Variants in ARHGEF37 observed in about 807,000 individuals in gnomAD.
The protein encoded by ARHGEF37 is Rho guanine nucleotide exchange factor 37.
A neutral mutation model predicts 71.1 loss-of-function variants in ARHGEF37; 55 were observed. The observed-to-expected ratio is 0.77, with a 90% confidence interval of 0.62 to 0.97. ARHGEF37 has a LOEUF of 0.97. Ranked by LOEUF, ARHGEF37 falls within the 50% of genes least tolerant of loss-of-function variation. ARHGEF37 has a pLI of 0.00. For missense variants in ARHGEF37, 765 were observed against 836.8 expected, an observed-to-expected ratio of 0.91 and a Z score of 1.06; for synonymous variants, 327 against 350.6, an observed-to-expected ratio of 0.93 and a Z score of 0.75.
intron 3 of ARHGEF37, among the ~76,000 whole-genome samples, chr5:149,602,840 G>C (rs919921761): frequency 6.6e-6 from 1 of 152,100 alleles, no homozygotes; most frequent in East Asian, 1.9e-4. Flanking sequence ...CAGTACTGTG[G>C]CCACCCAAGT....
In ARHGEF37 at chr5:149,570,743, G is replaced by C. The variant is rs575045118; in HGVS notation, c.-12+18620G>C. Among the ~76,000 whole-genome samples, 6 of 151,286 alleles carry C rather than the reference G, an allele frequency of 4.0e-5. No homozygotes were observed. In the East Asian group the frequency reaches 1.2e-3, roughly 30 times the overall value. On this transcript the variant is annotated intron_variant, in intron 1 of 2. Coordinates refer to the ARHGEF37 transcript ENST00000505810. ...TTACAAAAATTAGCTGGGCGTGGTG[G>C]TGTGCACCTGTAGTCCCAGCTACTT...
chr5:149,591,160 C>T (rs10065102), intron 1 of ARHGEF37, among the ~76,000 whole-genome samples: 34,622 of 151,298 alleles, frequency 0.23, 4,947 homozygotes, highest in African/African-American at 0.4. Flanking sequence ...TGGTCTCAAC[C>T]TCCTGGGCTC....
chr5:149,607,553 T>C (rs1763948415), intron 3 of ARHGEF37, among the ~76,000 whole-genome samples: 1 of 152,150 alleles, frequency 6.6e-6, no homozygotes, highest in African/African-American at 2.4e-5. Context: ...CCAAACAGGA[T>C]TTGTGTGAGC....
intron 4 of ARHGEF37, 91 bp from the exon 5 acceptor site, chr5:149,616,476 G>C: frequency 7.9e-7 from 1 of 1,267,492 alleles, no homozygotes; most frequent in Non-Finnish European, 1.1e-6. Context: ...ATCACACAGT[G>C]AGCTAAATGG....
intron 1 of ARHGEF37, among the ~76,000 whole-genome samples, chr5:149,568,576 C>T (rs1465879232): frequency 6.6e-6 from 1 of 151,994 alleles, no homozygotes; most frequent in Non-Finnish European, 1.5e-5. Flanking sequence ...CCTGTAATCC[C>T]AGCATTTTGA....
chr5:149,618,271 C>T lies in ARHGEF37; in HGVS notation c.754C>T (p.Gln252Ter). ...CTCCAAGAAGACCACCCGGCTGAGCCAGCTGCTGAAGCAGGAGGCGGGGCT... is the reference window on the plus strand; with the variant it reads ...CTCCAAGAAGACCACCCGGCTGAGCTAGCTGCTGAAGCAGGAGGCGGGGCT... ...TLSKKTTRLS[Q>*]LLKQEAGLIP... The change falls in exon 6 of 13, where the codon CAG becomes TAG. Residue 252 changes from glutamine (Q) to a stop codon, truncating the protein, a stop_gained. Coordinates refer to ENST00000333677, the MANE Select transcript of ARHGEF37 (RefSeq NM_001001669.3). LOFTEE classifies it high-confidence loss of function. 6.2e-7 allele frequency: 1 copy of T among 1,614,236 alleles called. No homozygotes were observed. Among genetic ancestry groups the T allele is most frequent in the Non-Finnish European group, 8.5e-7 (1 of 1,180,042 alleles).
intron 1 of ARHGEF37, among the ~76,000 whole-genome samples, chr5:149,563,760 G>A (rs1228574774): frequency 6.6e-6 from 1 of 152,018 alleles, no homozygotes; most frequent in East Asian, 1.9e-4. Flanking sequence ...TGGTATCTTC[G>A]TGTAGAAGAT....
intron 3 of ARHGEF37, among the ~76,000 whole-genome samples, chr5:149,601,577 G>A (rs1043842143): frequency 2.0e-5 from 3 of 152,206 alleles, no homozygotes; most frequent in African/African-American, 7.2e-5. Flanking sequence ...CAGCATCAAC[G>A]AGAGAGTCTG....
At chr5:149,554,394 T>C (rs750687424) in intron 1 of ARHGEF37, among the ~76,000 whole-genome samples, 1 of 152,188 alleles carries the variant, frequency 6.6e-6, no homozygotes, top group Non-Finnish European at 1.5e-5. Context: ...TCGCCTTTTT[T>C]TTAGAACTTG....
chr5:149,580,079 C>T (rs1190001536), upstream of ARHGEF37, among the ~76,000 whole-genome samples: 3 of 151,766 alleles, frequency 2.0e-5, no homozygotes, highest in East Asian at 5.8e-4. Context: ...TTTTCTTTTT[C>T]GAGACGGAGT....
intron 12 of ARHGEF37, among the ~76,000 whole-genome samples, chr5:149,630,129 G>A (rs1220956468): frequency 6.6e-6 from 1 of 152,162 alleles, no homozygotes; most frequent in African/African-American, 2.4e-5. Flanking sequence ...GCATGTGTCT[G>A]CAAATATACT....
At chr5:149,564,133 A>G (rs779700898) in intron 1 of ARHGEF37, among the ~76,000 whole-genome samples, 3 of 151,708 alleles carry the variant, frequency 2.0e-5, no homozygotes, top group African/African-American at 7.3e-5. Flanking sequence ...TTATATTTTT[A>G]GTAGAGATGG....
At chr5:149,586,772 C>A (rs1252075009) in intron 1 of ARHGEF37, among the ~76,000 whole-genome samples, 1 of 152,232 alleles carries the variant, frequency 6.6e-6, no homozygotes, top group Non-Finnish European at 1.5e-5. Flanking sequence ...AGTTTTATCA[C>A]TTTTTAGTCC....
intron 11 of ARHGEF37, among the ~76,000 whole-genome samples, chr5:149,628,156 T>A (rs1360563597): frequency 6.6e-6 from 1 of 152,116 alleles, no homozygotes; most frequent in African/African-American, 2.4e-5. Flanking sequence ...AGGACTGGAT[T>A]TGGATTCCAG....
intron 1 of ARHGEF37, among the ~76,000 whole-genome samples, chr5:149,557,606 G>C (rs1265858094): frequency 6.6e-6 from 1 of 152,080 alleles, no homozygotes; most frequent in Non-Finnish European, 1.5e-5. Context: ...AGCCTCCCAA[G>C]TAAATGGGAC....
intron 1 of ARHGEF37, among the ~76,000 whole-genome samples, chr5:149,589,574 G>T (rs758456963): frequency 3.0e-4 from 46 of 151,970 alleles, no homozygotes; most frequent in Non-Finnish European, 2.8e-4. Context: ...ATCTCAGCTC[G>T]CTGCAACCTC....
At position 149,616,698 on chromosome 5, in the gene ARHGEF37, A is replaced by G. The variant is rs759899916; in HGVS notation, c.590A>G (p.Gln197Arg). 3 of 1,614,018 alleles carry G rather than the reference A, an allele frequency of 1.9e-6. No individual in the cohort carries two copies. Among genetic ancestry groups the G allele is most frequent in the Non-Finnish European group, 2.5e-6 (3 of 1,179,904 alleles). Residue 197 changes from glutamine (Q) to arginine (R), a missense_variant, in exon 5 of 13, where the codon CAG (glutamine) becomes CGG (arginine). This residue lies in a region of ARHGEF37 where 167 missense variants were observed against 173.3 expected (regional missense o/e 0.96). Transcript: ENST00000333677. ...GATGCCAGTGCCTATCCTGTCCTTCAGAGGGCTGTCTCTGCCCTCCAGGAC... is the reference window on the plus strand; with the variant it reads ...GATGCCAGTGCCTATCCTGTCCTTCGGAGGGCTGTCTCTGCCCTCCAGGAC... ...VPDASAYPVLQRAVSALQDVN... is the reference protein window; with the variant it reads ...VPDASAYPVLRRAVSALQDVN...
chr5:149,593,971 A>T (rs1763479158), intron 1 of ARHGEF37, among the ~76,000 whole-genome samples: 1 of 152,204 alleles, frequency 6.6e-6, no homozygotes, highest in Non-Finnish European at 1.5e-5. Context: ...TTTTTCCTTT[A>T]AACAATTATT....
intron 5 of ARHGEF37, among the ~76,000 whole-genome samples, chr5:149,617,668 A>G (rs533363330): frequency 1.3e-5 from 2 of 152,310 alleles, no homozygotes; most frequent in African/African-American, 4.8e-5. Flanking sequence ...TTTCAAACTC[A>G]GGCCTGGAGT....
Sources: gnomAD v4.1 joint callset for allele counts (sites outside exome capture counted in the v4.1 genomes callset) on GRCh38, gnomAD v4.1.1 for gene constraint, gnomAD v4.1.1 regional missense constraint, MANE v1.5 for transcripts, NCBI Gene and HGNC (gene_info 2026-07-23, HGNC 2026-07-21) for gene names.